The following KANK1 variants were observed in gnomAD, a reference collection of about 807,000 sequenced individuals.
The protein encoded by KANK1 is KN motif and ankyrin repeat domains 1.
KANK1 carries 109 observed loss-of-function variants against 106.2 expected under a neutral mutation model. The observed-to-expected ratio is 1.03, with a 90% CI of 0.88 to 1.20. The LOEUF is 1.20. Ranked by LOEUF, KANK1 falls within the 50% of genes most tolerant of loss-of-function variation. KANK1 has a pLI of 0.00. For missense variants in KANK1, 2,399 were observed against 1,710.7 expected, an observed-to-expected ratio of 1.40 and a Z score of -7.10; for synonymous variants, 873 against 652.2, an observed-to-expected ratio of 1.34 and a Z score of -5.16.
At chr9:523,005 A>T (rs115167500) in intron 1 of KANK1, among the ~76,000 whole-genome samples, 1 of 151,632 alleles carries the variant, frequency 6.6e-6, no homozygotes, top group African/African-American at 2.4e-5. Flanking sequence ...GTAAGGTCTC[A>T]GTTCTTGATC....
chr9:722,062 A>G (rs1235593874), intron 3 of KANK1, among the ~76,000 whole-genome samples: 1 of 152,022 alleles, frequency 6.6e-6, no homozygotes, highest in Non-Finnish European at 1.5e-5. Context: ...GACATAGCTG[A>G]CTCCGTCTTA....
At chr9:699,366 A>C (rs2130078627) in intron 2 of KANK1, among the ~76,000 whole-genome samples, 1 of 152,334 alleles carries the variant, frequency 6.6e-6, no homozygotes, top group African/African-American at 2.4e-5. Flanking sequence ...GCTGAATGAA[A>C]GAATACATCC....
At chr9:576,364 C>T (rs769300243) in intron 1 of KANK1, among the ~76,000 whole-genome samples, 2 of 152,188 alleles carry the variant, frequency 1.3e-5, no homozygotes, top group African/African-American at 4.8e-5. Flanking sequence ...CATAGACAAC[C>T]TTACTGGCCT....
intron 1 of KANK1, among the ~76,000 whole-genome samples, chr9:568,842 A>T (rs1333484605): frequency 6.6e-6 from 1 of 152,190 alleles, no homozygotes; most frequent in Non-Finnish European, 1.5e-5. Context: ...GCAAAATTAC[A>T]GGTCAGAAGT....
chr9:503,387 G>A (rs2058603531), upstream of KANK1, among the ~76,000 whole-genome samples: 1 of 152,168 alleles, frequency 6.6e-6, no homozygotes, highest in Admixed American at 6.5e-5. Context: ...TTCAAAATGA[G>A]CTTTCCTGCC....
intron 3 of KANK1, among the ~76,000 whole-genome samples, chr9:485,043 C>T (rs1389328052): frequency 6.6e-6 from 1 of 152,194 alleles, no homozygotes; most frequent in Non-Finnish European, 1.5e-5. Flanking sequence ...TAGTCCTAGA[C>T]CAACTTTGGT....
At chr9:675,453 G>C (rs1316047704) in intron 1 of KANK1, among the ~76,000 whole-genome samples, 1 of 152,062 alleles carries the variant, frequency 6.6e-6, no homozygotes, top group Non-Finnish European at 1.5e-5. Context: ...CTGTTTGCTA[G>C]TATTTTTCGA....
intron 2 of KANK1, among the ~76,000 whole-genome samples, chr9:696,166 C>T (rs1420282704): frequency 6.6e-6 from 1 of 152,014 alleles, no homozygotes; most frequent in Non-Finnish European, 1.5e-5. Flanking sequence ...CGCCTGTAGT[C>T]CCAGCTACTC....
intron 1 of KANK1, among the ~76,000 whole-genome samples, chr9:512,249 G>GTGTATA (rs370159663): frequency 6.7e-6 from 1 of 149,506 alleles, no homozygotes; most frequent in African/African-American, 2.5e-5. Flanking sequence ...GTGTGTGTGT[G>GTGTATA]TATGTATATA....
At chr9:477,304 GAA>G (rs74361424) in intron 3 of KANK1, among the ~76,000 whole-genome samples, 4 of 89,284 alleles carry the variant, frequency 4.5e-5, no homozygotes. Flanking sequence ...AATGCAAACA[GAA>G]AAAAAAAAAA....
chr9:670,844 G>A (rs1045184757), intron 1 of KANK1, among the ~76,000 whole-genome samples: 10 of 151,854 alleles, frequency 6.6e-5, no homozygotes, highest in Admixed American at 3.9e-4. Flanking sequence ...ACTTTTTCCA[G>A]TGTAGAATCT....
intron 1 of KANK1, among the ~76,000 whole-genome samples, chr9:571,192 A>G (rs2029726): frequency 0.36 from 54,287 of 152,058 alleles, 12,236 homozygotes; most frequent in South Asian, 0.57. Context: ...TTTGTGTGAC[A>G]TGGTGGTGTC....
At position 577,557 on chromosome 9, in the gene KANK1, C is replaced by A. The variant is rs150495176; in HGVS notation, c.-84+72803C>A. Among the ~76,000 whole-genome samples, 1,072 of 152,278 alleles carry A rather than the reference C, an allele frequency of 7.0e-3. 22 individuals are homozygous for A. Among genetic ancestry groups the A allele is most frequent in the African/African-American group, 0.025 (1,025 of 41,544 alleles). Reference sequence around the variant, plus strand: ...TCCGCACCCGACCCAGAAGCTCAGCCGGCTTCACCTCTCAGTATCATCTCC... The same window carrying A: ...TCCGCACCCGACCCAGAAGCTCAGCAGGCTTCACCTCTCAGTATCATCTCC... On this transcript the variant is annotated intron_variant, in intron 1 of 11. Coordinates refer to ENST00000382297, the MANE Select transcript of KANK1 (RefSeq NM_015158.5).
chr9:475,762 T>G (rs1209475422), intron 3 of KANK1, among the ~76,000 whole-genome samples: 1 of 152,220 alleles, frequency 6.6e-6, no homozygotes, highest in Non-Finnish European at 1.5e-5. Flanking sequence ...TTTGCATCTG[T>G]AAAGAATCTC....
chr9:536,489 C>T (rs2060306864), intron 1 of KANK1, among the ~76,000 whole-genome samples: 1 of 152,132 alleles, frequency 6.6e-6, no homozygotes, highest in Non-Finnish European at 1.5e-5. Context: ...CTTACTGCTG[C>T]AGCTTCTAGA....
At chr9:741,240 G>A (rs1835405423) in intron 9 of KANK1, among the ~76,000 whole-genome samples, 1 of 139,782 alleles carries the variant, frequency 7.2e-6, no homozygotes, top group African/African-American at 2.5e-5. Context: ...CCCATCAGAT[G>A]CTCAGTGACT....
Position 600,353 on chromosome 9 carries a change from CAT to C in KANK1, c.-83-76536_-83-76535del, listed in dbSNP as rs540042909. ...TCCTCAAGGGTCATCTATGTTGTAA[CAT>C]GTGTCCAAATTTCATTCCTTTCTAA... On this transcript the variant is annotated intron_variant, in intron 1 of 11. Coordinates refer to ENST00000382297, the MANE Select transcript of KANK1 (RefSeq NM_015158.5). Among the ~76,000 whole-genome samples the C allele has an allele frequency of 2.5e-4, 38 of 151,850 alleles. No individual in the cohort carries two copies. The East Asian group carries it at 4.4e-3, about 18-fold the overall frequency.
chr9:614,755 G>A (rs565105016), intron 1 of KANK1, among the ~76,000 whole-genome samples: 85 of 152,178 alleles, frequency 5.6e-4, no homozygotes, highest in African/African-American at 2.0e-3. Context: ...TAGGTTGTGG[G>A]CCTTGTGGAT....
chr9:581,405 C>A (rs571979620), intron 1 of KANK1, among the ~76,000 whole-genome samples: 5 of 152,186 alleles, frequency 3.3e-5, no homozygotes, highest in Admixed American at 6.5e-5. Flanking sequence ...AGAGCCTTCT[C>A]GTAAATCTGT....
Sources: gnomAD v4.1 joint callset for allele counts (sites outside exome capture counted in the v4.1 genomes callset) on GRCh38, gnomAD v4.1.1 for gene constraint, MANE v1.5 for transcripts, NCBI Gene and HGNC (gene_info 2026-07-23, HGNC 2026-07-21) for gene names.